PHF14: variants seen among roughly 807,000 people sequenced by gnomAD.
PHF14 encodes PHD finger protein 14.
Under a neutral mutation model 117.9 loss-of-function variants are expected in PHF14, and 55 were observed. That is an observed-to-expected ratio of 0.47 (90% CI 0.38 to 0.58). The LOEUF (loss-of-function observed/expected upper bound fraction) is 0.58, where lower values mean the gene tolerates loss of function less well. Among genes scored for constraint, PHF14 ranks in the 20% least tolerant of loss-of-function variants. PHF14 has a pLI of 0.00. For synonymous variants in PHF14, 409 were observed against 368.6 expected, an observed-to-expected ratio of 1.11 and a Z score of -1.26; for missense variants, 978 against 1,122.2, an observed-to-expected ratio of 0.87 and a Z score of 1.84.
At chr7:11,037,723 C>T (rs1051427766) in intron 10 of PHF14, among the ~76,000 whole-genome samples, 5 of 151,944 alleles carry the variant, frequency 3.3e-5, no homozygotes, top group African/African-American at 4.8e-5. Flanking sequence ...ACATATAAAA[C>T]GGGTATTGAC....
chr7:11,002,668 C>T (rs1203892049), intron 4 of PHF14, among the ~76,000 whole-genome samples: 2 of 152,004 alleles, frequency 1.3e-5, no homozygotes, highest in South Asian at 2.1e-4. Context: ...GTCTTGAACT[C>T]CCCCGCCTCT....
chr7:11,123,931 C>A (rs1253302446), intron 17 of PHF14, among the ~76,000 whole-genome samples: 2 of 150,756 alleles, frequency 1.3e-5, no homozygotes, highest in Non-Finnish European at 3.0e-5. Flanking sequence ...AAAAAAAAAA[C>A]TAGAAAGTAA....
chr7:11,100,936 G>A (rs1407556537), intron 16 of PHF14, among the ~76,000 whole-genome samples: 2 of 151,902 alleles, frequency 1.3e-5, no homozygotes, highest in Non-Finnish European at 2.9e-5. Context: ...ATAAGATACA[G>A]AATATATTGA....
rs374994231 is a variant in PHF14 at position 11,069,032 on chromosome 7, G to T, written c.2654+6947G>T. 1.6e-4 allele frequency among the ~76,000 whole-genome samples: 24 copies of T among 152,276 alleles called. No homozygotes were observed. In the South Asian group the frequency reaches 3.7e-3, roughly 24 times the overall value. On this transcript the variant is annotated intron_variant, in intron 16 of 17. Transcript: ENST00000634607. ...CTGTTTTCTGTTAGAGTTTAGAGCT[G>T]CCAGGTGGTCAGTTAGGAAAACAAG...
chr7:11,082,253 G>C (rs1261637849), intron 16 of PHF14, among the ~76,000 whole-genome samples: 1 of 152,106 alleles, frequency 6.6e-6, no homozygotes, highest in African/African-American at 2.4e-5. Context: ...GGCTGAGGTG[G>C]GAGGATTGAT....
intron 5 of PHF14, among the ~76,000 whole-genome samples, chr7:11,020,683 C>G (rs1476179049): frequency 6.8e-6 from 1 of 148,090 alleles, no homozygotes; most frequent in African/African-American, 2.7e-5. Context: ...CTGACCACTT[C>G]TTTCTTTTTT....
intron 5 of PHF14, chr7:11,015,288 T>C (rs1783495584): frequency 6.6e-6 from 1 of 152,220 alleles, no homozygotes. Context: ...AATGTTGCCA[T>C]ACAAGATTGC....
intron 4 of PHF14, among the ~76,000 whole-genome samples, chr7:10,993,545 C>A (rs1056907048): frequency 2.8e-4 from 42 of 152,324 alleles, no homozygotes; most frequent in African/African-American, 9.1e-4. Context: ...AGAATGTACA[C>A]ATTGTTGACC....
intron 16 of PHF14, chr7:11,062,331 C>G (rs563842134): frequency 1.5e-5 from 4 of 272,896 alleles, no homozygotes; most frequent in African/African-American, 2.2e-5. Flanking sequence ...TTTCTCTTGA[C>G]AAGAGAAATT....
intron 16 of PHF14, among the ~76,000 whole-genome samples, chr7:11,100,031 C>T (rs943332150): frequency 6.6e-6 from 1 of 152,044 alleles, no homozygotes; most frequent in Non-Finnish European, 1.5e-5. Context: ...TGGAGTCATA[C>T]AAAACAAGTA....
chr7:11,165,117 G>C (rs1216451619), intron 17 of PHF14, among the ~76,000 whole-genome samples: 1 of 152,124 alleles, frequency 6.6e-6, no homozygotes, highest in Non-Finnish European at 1.5e-5. Context: ...TAGAGACGGG[G>C]TTTCACCATG....
At chr7:10,978,553 G>T (rs1293908176) in intron 2 of PHF14, among the ~76,000 whole-genome samples, 1 of 152,122 alleles carries the variant, frequency 6.6e-6, no homozygotes, top group Non-Finnish European at 1.5e-5. Flanking sequence ...GATAAGCCTG[G>T]AAAAATAGAA....
intron 17 of PHF14, 137 bp from the exon 18 acceptor site, chr7:11,169,279 T>C (rs1442463376): frequency 2.1e-6 from 1 of 470,118 alleles, no homozygotes; most frequent in Admixed American, 4.3e-5. Flanking sequence ...AAATGTTACA[T>C]AATTTTACCA....
intron 16 of PHF14, chr7:11,103,916 C>G: frequency 1.0e-6 from 1 of 981,580 alleles, no homozygotes; most frequent in Non-Finnish European, 1.2e-6. Context: ...AACTAGTAGA[C>G]TTTTGTTTAA....
chr7:11,081,623 G>A (rs934828826), intron 16 of PHF14, among the ~76,000 whole-genome samples: 2 of 152,136 alleles, frequency 1.3e-5, no homozygotes, highest in African/African-American at 4.8e-5. Flanking sequence ...TTGGGAGGCC[G>A]AGGTGGGCGG....
chr7:11,024,755 C>G (rs957113472), intron 6 of PHF14, among the ~76,000 whole-genome samples: 8 of 152,150 alleles, frequency 5.3e-5, no homozygotes, highest in African/African-American at 1.7e-4. Flanking sequence ...TACTGCTTAT[C>G]GACAGTGCAC....
At chr7:11,065,653 A>T (rs1296713880) in intron 16 of PHF14, among the ~76,000 whole-genome samples, 4 of 152,154 alleles carry the variant, frequency 2.6e-5, no homozygotes, top group Non-Finnish European at 5.9e-5. Flanking sequence ...TTTGAGAATA[A>T]ATGATTAATC....
intron 17 of PHF14, among the ~76,000 whole-genome samples, chr7:11,131,966 T>A (rs7795751): frequency 0.019 from 2,933 of 151,926 alleles, 77 homozygotes; most frequent in African/African-American, 0.066. Context: ...TGGGTTTTTT[T>A]AAAAATTTTT....
chr7:10,992,207 C>G (rs1158012830), intron 4 of PHF14, among the ~76,000 whole-genome samples: 1 of 151,300 alleles, frequency 6.6e-6, no homozygotes, highest in East Asian at 2.0e-4. Flanking sequence ...GTGCCTGCCA[C>G]CATGCCTGGC....
Sources: allele counts gnomAD v4.1 joint callset (sites outside exome capture counted in the v4.1 genomes callset), GRCh38; gene constraint gnomAD v4.1.1; transcripts MANE v1.5; gene names NCBI Gene and HGNC (gene_info 2026-07-23, HGNC 2026-07-21).